Variants in MRPS9 observed in about 807,000 individuals in gnomAD.
MRPS9 encodes the protein mitochondrial ribosomal protein S9.
MRPS9 carries 45 observed loss-of-function variants against 59.9 expected under a neutral mutation model. The observed-to-expected ratio is 0.75, with a 90% CI of 0.59 to 0.96. MRPS9 has a LOEUF of 0.96. Ranked by LOEUF, MRPS9 falls within the 40% of genes least tolerant of loss-of-function variation. The probability of loss-of-function intolerance (pLI) is 0.00; values close to 1 mark genes in which losing one functional copy is unlikely to be tolerated. For synonymous variants in MRPS9, 171 were observed against 166.8 expected (o/e 1.03, Z -0.19); for missense variants, 473 against 481.1 (o/e 0.98, Z 0.16).
Position 105,099,820 on chromosome 2 carries a change from C to T in MRPS9, c.*59C>T. 1 of 1,512,784 alleles carries T rather than the reference C, an allele frequency of 6.6e-7. No individual in the cohort carries two copies. Among genetic ancestry groups the T allele is most frequent in the South Asian group, 1.1e-5 (1 of 87,486 alleles). 93.7% of individuals were successfully genotyped at this position (1,512,784 alleles called of 1,614,324 possible). A position where few individuals can be genotyped will look rare whatever the true frequency, so the allele number is the denominator to read the frequency against. On this transcript the variant is annotated 3_prime_UTR_variant, in exon 11 of 11. Coordinates refer to ENST00000258455, the MANE Select transcript of MRPS9 (RefSeq NM_182640.3). ...TATATATGTGCCGACATGTGGCAGA[C>T]ACACAGTAAATAATGGCTGACCAGC...
chr2:105,047,397 C>T (rs921074377), intron 1 of MRPS9, among the ~76,000 whole-genome samples: 1 of 151,776 alleles, frequency 6.6e-6, no homozygotes, highest in African/African-American at 2.4e-5. Context: ...TGTTACATTT[C>T]TCCTGTATTT....
intron 10 of MRPS9, among the ~76,000 whole-genome samples, 183 bp from the exon 11 acceptor site, chr2:105,099,487 T>C (rs775239756): frequency 4.6e-5 from 7 of 152,222 alleles, no homozygotes; most frequent in Non-Finnish European, 7.3e-5. Flanking sequence ...AAAAATATCC[T>C]GAAAGAGTGG....
intron 2 of MRPS9, among the ~76,000 whole-genome samples, chr2:105,061,487 T>G (rs1470506316): frequency 6.6e-6 from 1 of 152,152 alleles, no homozygotes; most frequent in Non-Finnish European, 1.5e-5. Flanking sequence ...AGCAGTAACT[T>G]CAGCAAGACA....
chr2:105,076,815 C>T (rs1680220473), intron 4 of MRPS9, among the ~76,000 whole-genome samples: 1 of 152,126 alleles, frequency 6.6e-6, no homozygotes, highest in Non-Finnish European at 1.5e-5. Context: ...TGAAACATGC[C>T]AGAGGCCTGA....
chr2:105,097,980 G>T (rs1366505159), intron 10 of MRPS9, among the ~76,000 whole-genome samples: 1 of 152,322 alleles, frequency 6.6e-6, no homozygotes, highest in Middle Eastern at 3.4e-3. Flanking sequence ...TACGTAGCAT[G>T]AGCTACCACA....
chr2:105,097,226 G>A lies in MRPS9; in HGVS notation c.1001G>A (p.Gly334Glu). Residue 334 changes from glycine to glutamate, a missense_variant, in exon 10 of 11, where the codon GGG becomes GAG. Coordinates refer to ENST00000258455, the MANE Select transcript of MRPS9 (RefSeq NM_182640.3). ...CACGACGTGACCTGCACAGTCTCAG[G>A]GGGCGGGAGGTCAGCGCAGGCTGGA... ...GKHDVTCTVS[G>E]GGRSAQAGAI... The A allele has an allele frequency of 2.5e-6, 4 of 1,612,840 alleles. No homozygotes were observed. The highest frequency in any genetic ancestry group is 2.5e-6 in the Non-Finnish European group (3 of 1,179,468).
chr2:105,069,523 T>C (rs1680072098), intron 2 of MRPS9, among the ~76,000 whole-genome samples: 1 of 152,184 alleles, frequency 6.6e-6, no homozygotes, highest in Non-Finnish European at 1.5e-5. Context: ...TGTCAATCTT[T>C]TTTAAAAAGT....
intron 1 of MRPS9, among the ~76,000 whole-genome samples, chr2:105,041,070 C>T (rs556089239): frequency 6.6e-6 from 1 of 152,194 alleles, no homozygotes; most frequent in Admixed American, 6.5e-5. Flanking sequence ...GAAAGTTTGG[C>T]AGGAATCAGT....
chr2:105,078,687 C>T (rs757296578), intron 4 of MRPS9, among the ~76,000 whole-genome samples: 4 of 152,084 alleles, frequency 2.6e-5, no homozygotes, highest in Non-Finnish European at 4.4e-5. Context: ...AGAAGAAAGA[C>T]ATCCTACATA....
intron 1 of MRPS9, among the ~76,000 whole-genome samples, chr2:105,039,926 T>C (rs1008201666): frequency 1.3e-5 from 2 of 152,220 alleles, no homozygotes; most frequent in African/African-American, 4.8e-5. Flanking sequence ...CTGAGCACTT[T>C]ACCTGAGCCA....
intron 5 of MRPS9, among the ~76,000 whole-genome samples, chr2:105,084,642 C>T (rs868383199): frequency 2.0e-5 from 3 of 152,100 alleles, no homozygotes; most frequent in Non-Finnish European, 2.9e-5. Flanking sequence ...TGACCCTTCT[C>T]GCAGTGAGGT....
chr2:105,071,224 A>T lies in MRPS9; in HGVS notation c.316-89A>T. 2.0e-5 allele frequency: 19 copies of T among 972,064 alleles called. 1 individual carries two copies. In the South Asian group the frequency reaches 3.2e-4, roughly 16 times the overall value. The allele number at this position is 972,064 out of a possible 1,614,324, so 60.2% of individuals were successfully genotyped here. ...GATAATGCTTTGAAACTCTAGTTCAATGTCCAGCATATAGAAAGCACTCTA... is the reference window on the plus strand; with the variant it reads ...GATAATGCTTTGAAACTCTAGTTCATTGTCCAGCATATAGAAAGCACTCTA... On this transcript the variant is annotated intron_variant, in intron 2 of 10. Coordinates refer to ENST00000258455, the MANE Select transcript of MRPS9 (RefSeq NM_182640.3).
intron 10 of MRPS9, among the ~76,000 whole-genome samples, chr2:105,097,849 A>G (rs1052684512): frequency 6.6e-6 from 1 of 151,872 alleles, no homozygotes; most frequent in African/African-American, 2.4e-5. Flanking sequence ...TATGACATAC[A>G]CTCCCAAACC....
chr2:105,096,378 G>C (rs1364018140), intron 9 of MRPS9, among the ~76,000 whole-genome samples: 1 of 152,172 alleles, frequency 6.6e-6, no homozygotes, highest in Non-Finnish European at 1.5e-5. Context: ...CAAAATCAAA[G>C]TGCTTGACAG....
At chr2:105,054,240 A>G (rs567337002) in intron 2 of MRPS9, among the ~76,000 whole-genome samples, 17 of 152,334 alleles carry the variant, frequency 1.1e-4, no homozygotes, top group African/African-American at 4.1e-4. Flanking sequence ...TCCTGTTACT[A>G]TTAACAGTAA....
At chr2:105,097,125 G>GT (rs1558765031) in intron 9 of MRPS9, 30 bp from the exon 10 acceptor site, 1 of 1,440,588 alleles carries the variant, frequency 6.9e-7, no homozygotes, top group East Asian at 2.6e-5. Context: ...TATAGTAAAC[G>GT]TAACCACATT....
chr2:105,077,256 AG>A (rs1341339685), intron 4 of MRPS9, among the ~76,000 whole-genome samples: 11 of 151,650 alleles, frequency 7.3e-5, no homozygotes, highest in Admixed American at 1.3e-4. Context: ...AAAAAAAAAA[AG>A]AAGAAGAAAA....
chr2:105,079,330 G>A (rs976378983), intron 4 of MRPS9, among the ~76,000 whole-genome samples: 1 of 135,802 alleles, frequency 7.4e-6, no homozygotes, highest in African/African-American at 2.8e-5. Flanking sequence ...GATAGTATGC[G>A]CAAAGGACAC....
intron 2 of MRPS9, among the ~76,000 whole-genome samples, chr2:105,067,027 CT>C (rs530393159): frequency 1.3e-4 from 20 of 152,138 alleles, no homozygotes; most frequent in Non-Finnish European, 2.5e-4. Flanking sequence ...GCCACATTTT[CT>C]TTATCGCTTT....
Sources: allele counts gnomAD v4.1 joint callset (sites outside exome capture counted in the v4.1 genomes callset), GRCh38; gene constraint gnomAD v4.1.1; transcripts MANE v1.5; gene names NCBI Gene and HGNC (gene_info 2026-07-23, HGNC 2026-07-21).